COX7A2: variants seen among roughly 807,000 people sequenced by gnomAD.
The protein encoded by COX7A2 is cytochrome c oxidase subunit 7A2.
COX7A2 carries 11 observed loss-of-function variants against 11.6 expected under a neutral mutation model. That is an observed-to-expected ratio of 0.95 (90% CI 0.60 to 1.57). The LOEUF (loss-of-function observed/expected upper bound fraction) is 1.57. Among genes scored for constraint, COX7A2 ranks in the 40% most tolerant of loss-of-function variants. The pLI is 0.00. For missense variants in COX7A2, 106 were observed against 100.9 expected, an observed-to-expected ratio of 1.05 and a Z score of -0.22; for synonymous variants, 30 against 38.2, an observed-to-expected ratio of 0.78 and a Z score of 0.79.
At chr6:75,243,806 C>G, upstream of COX7A2, 4 of 1,614,150 alleles carry the variant, frequency 2.5e-6, no homozygotes, top group Non-Finnish European at 3.4e-6. Context: ...GGAACCGGAA[C>G]TACCTCCGAG....
chr6:75,248,499 C>A (rs1562377386), upstream of COX7A2, among the ~76,000 whole-genome samples: 1 of 152,182 alleles, frequency 6.6e-6, no homozygotes, highest in Non-Finnish European at 1.5e-5. Context: ...GCCTGGAAGT[C>A]CCCCGCTTTG....
Position 75,237,989 on chromosome 6 carries a change from C to T in COX7A2, c.194-1G>A. 1 of 1,514,806 alleles carries T rather than the reference C, an allele frequency of 6.6e-7. No individual in the cohort carries two copies. The allele number at this position is 1,514,806 out of a possible 1,614,324, so 93.8% of individuals were successfully genotyped here. ...AGCTCATATATGGCATATGCTGTTC[C>T]TAAAAATAAAAAACAAAAAAGAACT... On this transcript the variant is annotated splice_acceptor_variant, in intron 3 of 3. Transcript: ENST00000684430. LOFTEE classifies it high-confidence loss of function.
At position 75,243,780 on chromosome 6, in the gene COX7A2, C is replaced by A. The variant is rs370665822; in HGVS notation, c.-46G>T. The stretch of plus-strand genomic sequence containing the variant: ...AACCGCCACAACTGAACACCACCAA[C>A]GAAAATGGCCACGCCGGAACCGGAA... On this transcript the variant is annotated 5_prime_UTR_variant, in exon 1 of 4. Transcript: ENST00000684430. 1.9e-6 allele frequency: 3 copies of A among 1,614,126 alleles called. No individual in the cohort carries two copies. Among genetic ancestry groups the A allele is most frequent in the South Asian group, 2.2e-5 (2 of 91,076 alleles).
At chr6:75,246,929 G>A (rs1199651275), upstream of COX7A2, among the ~76,000 whole-genome samples, 2 of 152,186 alleles carry the variant, frequency 1.3e-5, no homozygotes, top group Non-Finnish European at 2.9e-5. Flanking sequence ...TACTTTCAAA[G>A]TAGAATGCTT....
At chr6:75,237,748 G>A, downstream of COX7A2, 2 of 428,428 alleles carry the variant, frequency 4.7e-6, no homozygotes, top group Non-Finnish European at 8.3e-6. Context: ...CTGACCAAAA[G>A]TTGAAATTAT....
chr6:75,249,477 A>G (rs898808985), intron 1 of COX7A2, among the ~76,000 whole-genome samples: 4 of 152,226 alleles, frequency 2.6e-5, no homozygotes, highest in African/African-American at 9.6e-5. Context: ...GACATGACTG[A>G]ACGTAAGATA....
intron 3 of COX7A2, among the ~76,000 whole-genome samples, chr6:75,239,917 C>T (rs542219097): frequency 6.6e-6 from 1 of 152,270 alleles, no homozygotes; most frequent in African/African-American, 2.4e-5. Flanking sequence ...GCCTGACCAA[C>T]ACGGAGAAAC....
At chr6:75,248,920 G>T (rs978653339) in intron 1 of COX7A2, among the ~76,000 whole-genome samples, 3 of 152,172 alleles carry the variant, frequency 2.0e-5, no homozygotes, top group African/African-American at 7.2e-5. Context: ...AAAGTTGTAT[G>T]GGAAATTCAA....
upstream of COX7A2, among the ~76,000 whole-genome samples, chr6:75,244,197 C>CA (rs1310432117): frequency 6.6e-6 from 1 of 152,046 alleles, no homozygotes; most frequent in East Asian, 1.9e-4. Flanking sequence ...TCATAAAATT[C>CA]AAAAAAGAAT....
In COX7A2 at chr6:75,241,162, A is replaced by C; in HGVS notation, c.108+14T>G. ...ATAATTACAAGTAACATCTCCTATA[A>C]AATACTTCAGTACCTGGAACAGTTT... On this transcript the variant is annotated intron_variant, in intron 2 of 3. Coordinates refer to ENST00000684430, the MANE Select transcript of COX7A2 (RefSeq NM_001366293.2). The C allele has an allele frequency of 6.3e-7, 1 of 1,594,998 alleles. No homozygotes were observed. Among genetic ancestry groups the C allele is most frequent in the Non-Finnish European group, 8.6e-7 (1 of 1,165,484 alleles).
At chr6:75,246,834 T>C (rs1030855919), upstream of COX7A2, among the ~76,000 whole-genome samples, 1 of 152,226 alleles carries the variant, frequency 6.6e-6, no homozygotes, top group African/African-American at 2.4e-5. Context: ...GAAATTTGCC[T>C]GCGTACCTAA....
upstream of COX7A2, among the ~76,000 whole-genome samples, chr6:75,245,082 C>T (rs1294544854): frequency 6.6e-6 from 1 of 152,188 alleles, no homozygotes; most frequent in Admixed American, 6.5e-5. Flanking sequence ...ATTTCCCAAG[C>T]GCAGAGATGA....
intron 1 of COX7A2, among the ~76,000 whole-genome samples, chr6:75,243,326 C>T (rs1322687922): frequency 6.6e-6 from 1 of 152,142 alleles, no homozygotes. Context: ...AAACTTAAAA[C>T]CTTTCAGTAC....
intron 1 of COX7A2, among the ~76,000 whole-genome samples, chr6:75,249,182 A>C (rs2149515291): frequency 6.6e-6 from 1 of 152,346 alleles, no homozygotes; most frequent in East Asian, 1.9e-4. Flanking sequence ...GGTTGCAGTG[A>C]GCCAAGATCA....
chr6:75,243,158 CA>C (rs1404741391), intron 1 of COX7A2, among the ~76,000 whole-genome samples: 6 of 152,102 alleles, frequency 3.9e-5, no homozygotes, highest in Non-Finnish European at 8.8e-5. Context: ...GGAAATATTT[CA>C]CATGCTCAAA....
At chr6:75,240,591 G>A in intron 2 of COX7A2, 1 of 454,342 alleles carries the variant, frequency 2.2e-6, no homozygotes, top group East Asian at 3.6e-5. Flanking sequence ...CTAAAAGTCA[G>A]CATTCTTCTT....
At chr6:75,242,230 C>T (rs1023083134) in intron 1 of COX7A2, among the ~76,000 whole-genome samples, 6 of 151,770 alleles carry the variant, frequency 4.0e-5, no homozygotes, top group Admixed American at 3.3e-4. Context: ...CTTGGCCAGG[C>T]GCGGTGGCTC....
At chr6:75,249,591 A>G (rs191986074) in intron 1 of COX7A2, among the ~76,000 whole-genome samples, 33 of 152,334 alleles carry the variant, frequency 2.2e-4, no homozygotes, top group African/African-American at 7.7e-4. Context: ...ATTTACTATT[A>G]TGGGAAGAAA....
upstream of COX7A2, among the ~76,000 whole-genome samples, chr6:75,246,846 A>C (rs551879348): frequency 2.6e-5 from 4 of 152,312 alleles, no homozygotes; most frequent in East Asian, 7.7e-4. Flanking sequence ...CGTACCTAAC[A>C]AACTTTATTG....
Sources: gnomAD v4.1 joint callset for allele counts (sites outside exome capture counted in the v4.1 genomes callset) on GRCh38, gnomAD v4.1.1 for gene constraint, MANE v1.5 for transcripts, NCBI Gene and HGNC (gene_info 2026-07-23, HGNC 2026-07-21) for gene names.